Variants in ZNF668 observed in about 807,000 individuals in gnomAD.
The protein encoded by ZNF668 is zinc finger protein 668.
A neutral mutation model predicts 40.3 loss-of-function variants in ZNF668; 10 were observed. The ratio of observed to expected loss-of-function variants is 0.25; its 90% CI spans 0.15 to 0.42. The LOEUF (loss-of-function observed/expected upper bound fraction) is 0.42, where lower values mean the gene tolerates loss of function less well. Ranked by LOEUF, ZNF668 falls within the 10% of genes least tolerant of loss-of-function variation. The probability of loss-of-function intolerance (pLI) is 1.00; values close to 1 mark genes in which losing one functional copy is unlikely to be tolerated. For synonymous variants in ZNF668, 428 were observed against 384.6 expected (o/e 1.11, Z -1.32); for missense variants, 749 against 904.6 (o/e 0.83, Z 2.21).
chr16:31,067,490 G>A (rs553359818), intron 1 of ZNF668, among the ~76,000 whole-genome samples: 1 of 152,266 alleles, frequency 6.6e-6, no homozygotes, highest in South Asian at 2.1e-4. Context: ...ATGTGACCGT[G>A]TGTAATGTAC....
intron 1 of ZNF668, chr16:31,066,206 C>G (rs2056980891): frequency 1.0e-6 from 1 of 985,450 alleles, no homozygotes; most frequent in African/African-American, 1.7e-5. Context: ...GTTCCCTGCT[C>G]AAGAACTTTC....
At chr16:31,072,257 G>A (rs1348627751) in intron 1 of ZNF668, among the ~76,000 whole-genome samples, 1 of 152,174 alleles carries the variant, frequency 6.6e-6, no homozygotes. Flanking sequence ...CCAGAACCCT[G>A]TGTGGTGACC....
chr16:31,068,240 ATATATAT>A (rs1254338667), intron 1 of ZNF668, among the ~76,000 whole-genome samples: 6 of 68,828 alleles, frequency 8.7e-5, no homozygotes, highest in African/African-American at 4.1e-4. Context: ...AAAAAAAAAA[ATATATAT>A]ATATATATAT....
At chr16:31,062,789 G>GA (rs71151444) in intron 2 of ZNF668, 119,678 of 122,864 alleles carry the variant, frequency 0.97, 58,316 homozygotes, top group Non-Finnish European at 0.99. Flanking sequence ...AAAAGAAAAA[G>GA]AAAAAAAAAA....
chr16:31,061,261 C>A lies in ZNF668; in HGVS notation c.1667G>T (p.Arg556Leu), dbSNP rs148738674. The A allele has an allele frequency of 7.1e-6, 11 of 1,549,140 alleles. No individual in the cohort carries two copies. Among genetic ancestry groups the A allele is most frequent in the Middle Eastern group, 1.7e-4 (1 of 5,720 alleles). Residue 556 changes from arginine to leucine, a missense_variant, in exon 3 of 3, where the codon CGG becomes CTG. By Grantham distance (102) the Arg-to-Leu change is moderately radical. Coordinates refer to ENST00000300849, the MANE Select transcript of ZNF668 (RefSeq NM_024706.5). The surrounding 1 kb of genome is among the most constrained non-coding windows in gnomAD (Gnocchi z 7.7). ...CTQCGKSFSDRAGLRKHSRTH... is the reference protein window; with the variant it reads ...CTQCGKSFSDLAGLRKHSRTH... ...GCGGCTGTGTTTGCGCAGCCCAGCC[C>A]GGTCAGAGAAGCTCTTGCCGCACTG...
intron 1 of ZNF668, among the ~76,000 whole-genome samples, chr16:31,069,789 T>A: frequency 7.5e-6 from 1 of 133,284 alleles, no homozygotes; most frequent in South Asian, 2.5e-4. Flanking sequence ...TTTTTTTTTT[T>A]TTTGAGACGG....
Position 31,064,477 on chromosome 16 carries a change from T to C in ZNF668, c.-18A>G. The C allele has an allele frequency of 1.2e-6, 2 of 1,606,086 alleles. No homozygotes were observed. The highest frequency in any genetic ancestry group is 1.7e-6 in the Non-Finnish European group (2 of 1,179,746). ...ACTTCCATGGCCTTGGTGAACGGGG[T>C]TTCTCTGCAAGAGAAGCAAAGTTAG... On this transcript the variant is annotated 5_prime_UTR_variant, in exon 2 of 3. Coordinates refer to ENST00000300849, the MANE Select transcript of ZNF668 (RefSeq NM_024706.5).
intron 1 of ZNF668, chr16:31,066,312 T>TCCTC: frequency 1.0e-6 from 1 of 985,330 alleles, no homozygotes; most frequent in Non-Finnish European, 1.2e-6. Context: ...ACCAGGAGGA[T>TCCTC]CCTCAAGCAT....
rs1453242440 is a variant in ZNF668, at chr16:31,063,869, G to A, written c.591C>T (p.Ser197=). The A allele has an allele frequency of 1.3e-6, 2 of 1,595,608 alleles. No individual in the cohort carries two copies. Among genetic ancestry groups the A allele is most frequent in the Admixed American group, 1.7e-5 (1 of 57,518 alleles). ...RRTHAGLRPY[S]CERCGKAYAE... Reference sequence around the variant, plus strand: ...CATAGGCTTTGCCGCAACGCTCACAGCTGTAGGGCCGCAGGCCAGCGTGAG... The same window carrying A: ...CATAGGCTTTGCCGCAACGCTCACAACTGTAGGGCCGCAGGCCAGCGTGAG... Residue 197 remains serine, a synonymous_variant, in exon 2 of 3, where the codon AGC becomes AGT. Coordinates refer to ENST00000300849, the MANE Select transcript of ZNF668 (RefSeq NM_024706.5).
chr16:31,062,114 G>A lies in ZNF668; in HGVS notation c.814C>T (p.Arg272Cys), dbSNP rs1422735197. 6.2e-7 allele frequency: 1 copy of A among 1,613,844 alleles called. No individual in the cohort carries two copies. Among genetic ancestry groups the A allele is most frequent in the Non-Finnish European group, 8.5e-7 (1 of 1,179,858 alleles). The change falls in exon 3 of 3, where the codon CGC becomes TGC. Residue 272 changes from arginine (R) to cysteine (C), a missense_variant. Transcript: ENST00000300849. ...AAGGGCTTCTCCCCCGAGTGCGTGC[G>A]CTCGTGGCTCTGGTAGGAACTGAGC... is the stretch of plus-strand genomic sequence containing the variant. ...TQLSSYQSHE[R>C]THSGEKPFLC...
intron 2 of ZNF668, 102 bp from the exon 3 acceptor site, chr16:31,062,382 G>T: frequency 1.4e-6 from 2 of 1,459,772 alleles, no homozygotes; most frequent in African/African-American, 1.4e-5. Context: ...CGTTCGTGGG[G>T]GCCTAGGCTT....
chr16:31,066,871 C>T (rs373949394), intron 1 of ZNF668, among the ~76,000 whole-genome samples: 2 of 151,980 alleles, frequency 1.3e-5, no homozygotes, highest in Non-Finnish European at 2.9e-5. Flanking sequence ...GGAGAGTCTG[C>T]CTGATAATGT....
intron 1 of ZNF668, chr16:31,065,936 G>A (rs1163521439): frequency 1.3e-6 from 1 of 763,954 alleles, no homozygotes; most frequent in Non-Finnish European, 1.6e-6. Flanking sequence ...CTGGGGTTCA[G>A]GAGGAGGAAA....
chr16:31,068,606 CTTTTG>C (rs2056996007), intron 1 of ZNF668, among the ~76,000 whole-genome samples: 1 of 149,104 alleles, frequency 6.7e-6, no homozygotes, highest in Admixed American at 6.8e-5. Context: ...CCAGCCAATA[CTTTTG>C]TTTGTTTGGT....
At chr16:31,066,186 G>A in intron 1 of ZNF668, 1 of 985,340 alleles carries the variant, frequency 1.0e-6, no homozygotes, top group Non-Finnish European at 1.2e-6. Flanking sequence ...AGTAATGAAT[G>A]ATGTTTCCTG....
chr16:31,061,123 G>A lies in ZNF668; in HGVS notation c.1805C>T (p.Thr602Ile), dbSNP rs200542014. Residue 602 changes from threonine to isoleucine, a missense_variant, in exon 3 of 3, where the codon ACA (threonine) becomes ATA (isoleucine). Around this residue, in one of 4 missense-constraint regions of ZNF668, gnomAD observed 310 missense variants for 355.1 expected, o/e 0.87. Transcript: ENST00000300849. This position sits in a 1 kb window ranked among gnomAD's most constrained non-coding sequence, Gnocchi z 7.7. ...CAAAGCCACCAGGGGCTCCAGGGGT[G>A]TGGGGGTCCCCATGGGCACAGGGTG... ...RTHPVPMGTP[T>I]PLEPLVALLG... is the part of the protein sequence containing the mutation. 15 of 1,511,542 alleles carry A rather than the reference G, an allele frequency of 9.9e-6. No individual in the cohort carries two copies. Among genetic ancestry groups the A allele is most frequent in the Middle Eastern group, 1.8e-4 (1 of 5,570 alleles). The allele number at this position is 1,511,542 out of a possible 1,614,324, so 93.6% of individuals were successfully genotyped here.
Position 31,064,187 on chromosome 16 carries a change from C to G in ZNF668, c.273G>C (p.Lys91Asn). 6.2e-7 allele frequency: 1 copy of G among 1,612,112 alleles called. No individual in the cohort carries two copies. The highest frequency in any genetic ancestry group is 8.5e-7 in the Non-Finnish European group (1 of 1,179,968). The change falls in exon 2 of 3, where the codon AAG becomes AAC. Residue 91 changes from lysine (K) to asparagine (N), a missense_variant. Transcript: ENST00000300849. ...PRPYACPLCP[K>N]AYKTAPELRS... Reference sequence around the variant, plus strand: ...GCAGCTCGGGTGCCGTCTTGTAGGCCTTGGGGCATAGCGGACACGCATAGG... The same window carrying G: ...GCAGCTCGGGTGCCGTCTTGTAGGCGTTGGGGCATAGCGGACACGCATAGG...
At chr16:31,066,481 C>T in intron 1 of ZNF668, 3 of 626,476 alleles carry the variant, frequency 4.8e-6, no homozygotes, top group African/African-American at 4.0e-5. Context: ...CCTGTGAACC[C>T]AGGGGTTCGA....
chr16:31,068,512 ACGCCC>A (rs2056994870), intron 1 of ZNF668, among the ~76,000 whole-genome samples: 1 of 133,160 alleles, frequency 7.5e-6, no homozygotes, highest in African/African-American at 2.9e-5. Context: ...GAGAGCCACC[ACGCCC>A]AGACTTTTTT....
Sources: gnomAD v4.1 joint callset for allele counts (sites outside exome capture counted in the v4.1 genomes callset) on GRCh38, gnomAD v4.1.1 for gene constraint, gnomAD v4.1.1 regional missense constraint, Gnocchi (gnomAD v3.1) non-coding constraint, MANE v1.5 for transcripts, NCBI Gene and HGNC (gene_info 2026-07-23, HGNC 2026-07-21) for gene names.